Variants in FHIT observed in about 807,000 individuals in gnomAD.
The protein encoded by FHIT is fragile histidine triad diadenosine triphosphatase.
FHIT carries 19 observed loss-of-function variants against 17.9 expected under a neutral mutation model. The observed-to-expected ratio is 1.06, with a 90% confidence interval of 0.74 to 1.56. The LOEUF (loss-of-function observed/expected upper bound fraction) is 1.56. Among genes scored for constraint, FHIT ranks in the 40% most tolerant of loss-of-function variants. The pLI is 0.00. For missense variants in FHIT, 248 were observed against 189.2 expected, an observed-to-expected ratio of 1.31 and a Z score of -1.82; for synonymous variants, 81 against 69.7, an observed-to-expected ratio of 1.16 and a Z score of -0.81.
chr3:60,214,830 A>T (rs1308803666), intron 5 of FHIT, among the ~76,000 whole-genome samples: 3 of 149,068 alleles, frequency 2.0e-5, no homozygotes, highest in Admixed American at 2.0e-4. Context: ...AATACTATGC[A>T]GCTGTAAAAA....
At chr3:60,373,927 T>G (rs1700439387) in intron 5 of FHIT, among the ~76,000 whole-genome samples, 1 of 152,156 alleles carries the variant, frequency 6.6e-6, no homozygotes, top group Non-Finnish European at 1.5e-5. Context: ...GTTCAGGAAG[T>G]AGAGAAAAGT....
At chr3:59,818,485 A>T (rs1700680388) in intron 8 of FHIT, among the ~76,000 whole-genome samples, 1 of 152,164 alleles carries the variant, frequency 6.6e-6, no homozygotes, top group African/African-American at 2.4e-5. Context: ...ATCCTGAGTC[A>T]TTTACAGTAA....
intron 5 of FHIT, among the ~76,000 whole-genome samples, chr3:60,449,456 T>C (rs2031573024): frequency 1.3e-5 from 2 of 150,282 alleles, no homozygotes; most frequent in Non-Finnish European, 3.0e-5. Context: ...ACATATGCAG[T>C]AATGTGGCAC....
chr3:60,424,284 C>G (rs138267627), intron 5 of FHIT, among the ~76,000 whole-genome samples: 160 of 152,204 alleles, frequency 1.1e-3, no homozygotes, highest in African/African-American at 3.6e-3. Context: ...CGTCTCAATA[C>G]AGAGAGCAGT....
intron 2 of FHIT, among the ~76,000 whole-genome samples, chr3:61,077,802 C>A (rs1483671014): frequency 6.6e-6 from 1 of 152,124 alleles, no homozygotes; most frequent in African/African-American, 2.4e-5. Flanking sequence ...TGTGAGCAGG[C>A]ACTATCTTTG....
At chr3:61,119,266 T>C (rs1236218104) in intron 2 of FHIT, among the ~76,000 whole-genome samples, 1 of 152,106 alleles carries the variant, frequency 6.6e-6, no homozygotes, top group African/African-American at 2.4e-5. Context: ...TCGCCCAGGC[T>C]GGAGTGCACT....
chr3:60,534,339 A>G (rs1465254460), intron 5 of FHIT, among the ~76,000 whole-genome samples: 1 of 148,154 alleles, frequency 6.7e-6, no homozygotes, highest in African/African-American at 2.5e-5. Context: ...AGGCTGAGGC[A>G]GGAGAATGGC....
intron 7 of FHIT, among the ~76,000 whole-genome samples, chr3:59,998,876 A>G (rs1335844035): frequency 6.6e-6 from 1 of 152,192 alleles, no homozygotes; most frequent in Admixed American, 6.5e-5. Context: ...ATTCGCAATT[A>G]GACTGCACGG....
intron 5 of FHIT, among the ~76,000 whole-genome samples, chr3:60,360,645 C>T (rs906822260): frequency 1.3e-5 from 2 of 152,128 alleles, no homozygotes; most frequent in African/African-American, 4.8e-5. Flanking sequence ...ATTTAATAGG[C>T]ATGCAAATTC....
intron 5 of FHIT, among the ~76,000 whole-genome samples, chr3:60,450,514 G>A (rs560760604): frequency 6.6e-6 from 1 of 152,114 alleles, no homozygotes; most frequent in African/African-American, 2.4e-5. Flanking sequence ...AGTCCATTAA[G>A]CCACTCCAGA....
chr3:60,315,697 C>A (rs1200787473), intron 5 of FHIT, among the ~76,000 whole-genome samples: 4 of 152,202 alleles, frequency 2.6e-5, no homozygotes, highest in African/African-American at 4.8e-5. Flanking sequence ...TCTGCTGCTG[C>A]TGATGGATAT....
chr3:61,241,828 C>A (rs1346816856), intron 1 of FHIT, among the ~76,000 whole-genome samples: 3 of 152,146 alleles, frequency 2.0e-5, no homozygotes, highest in Non-Finnish European at 2.9e-5. Flanking sequence ...CTCTTCTATT[C>A]CCACTTATTC....
At chr3:61,070,477 A>G (rs966638936) in intron 2 of FHIT, among the ~76,000 whole-genome samples, 2 of 152,174 alleles carry the variant, frequency 1.3e-5, no homozygotes, top group African/African-American at 4.8e-5. Flanking sequence ...CCCCGTGGAA[A>G]TGGACAGACT....
intron 4 of FHIT, among the ~76,000 whole-genome samples, chr3:60,661,143 G>T (rs1303063231): frequency 2.0e-5 from 3 of 151,778 alleles, no homozygotes; most frequent in African/African-American, 7.3e-5. Flanking sequence ...TGAGATTTTG[G>T]TGCACCCAAT....
chr3:60,307,628 C>A (rs1286030501), intron 5 of FHIT, among the ~76,000 whole-genome samples: 1 of 152,116 alleles, frequency 6.6e-6, no homozygotes, highest in Non-Finnish European at 1.5e-5. Flanking sequence ...ACAGCAAGGG[C>A]AAATATTTTA....
At position 60,952,118 on chromosome 3, in the gene FHIT, C is replaced by T. The variant is rs186052598; in HGVS notation, c.-111+89929G>A. 6.0e-3 allele frequency among the ~76,000 whole-genome samples: 905 copies of T among 151,394 alleles called. 53 individuals are homozygous for T. Among genetic ancestry groups the T allele is most frequent in the Admixed American group, 0.055 (837 of 15,188 alleles). On this transcript the variant is annotated intron_variant, in intron 3 of 9. Coordinates refer to ENST00000492590, the MANE Select transcript of FHIT (RefSeq NM_002012.4). ...GAGGCAGAGGTTGGTGAGCTGAGATCATGCCATTGCACTCCAGCCTGGGAG... is the reference window on the plus strand; with the variant it reads ...GAGGCAGAGGTTGGTGAGCTGAGATTATGCCATTGCACTCCAGCCTGGGAG...
intron 2 of FHIT, among the ~76,000 whole-genome samples, chr3:61,131,897 A>C (rs1403069078): frequency 6.6e-6 from 1 of 152,206 alleles, no homozygotes; most frequent in African/African-American, 2.4e-5. Flanking sequence ...CAGGGTACCA[A>C]TCTAAGAGGG....
intron 5 of FHIT, among the ~76,000 whole-genome samples, chr3:60,115,044 C>G (rs942843068): frequency 5.9e-5 from 9 of 152,048 alleles, no homozygotes; most frequent in Non-Finnish European, 1.3e-4. Context: ...TAAAATTAAT[C>G]ACATGCTTAT....
intron 3 of FHIT, among the ~76,000 whole-genome samples, chr3:60,929,300 A>C (rs535717897): frequency 2.0e-5 from 3 of 152,310 alleles, no homozygotes; most frequent in East Asian, 3.9e-4. Flanking sequence ...GAAAACTGGC[A>C]CAAGACAGGG....
Sources: allele counts gnomAD v4.1 joint callset (sites outside exome capture counted in the v4.1 genomes callset), GRCh38; gene constraint gnomAD v4.1.1; transcripts MANE v1.5; gene names NCBI Gene and HGNC (gene_info 2026-07-23, HGNC 2026-07-21).